The following RBFOX1 variants were observed in gnomAD, a reference collection of about 807,000 sequenced individuals.
The protein encoded by RBFOX1 is RNA binding fox-1 homolog 1.
Under a neutral mutation model 57.7 loss-of-function variants are expected in RBFOX1, and 8 were observed. The ratio of observed to expected loss-of-function variants is 0.14; its 90% confidence interval spans 0.08 to 0.25. The LOEUF (loss-of-function observed/expected upper bound fraction) is 0.25, where lower values mean the gene tolerates loss of function less well. Ranked by LOEUF, RBFOX1 falls within the 10% of genes least tolerant of loss-of-function variation. RBFOX1 has a pLI of 1.00. For synonymous variants in RBFOX1, 326 were observed against 222.4 expected, an observed-to-expected ratio of 1.47 and a Z score of -4.15; for missense variants, 611 against 548.5, an observed-to-expected ratio of 1.11 and a Z score of -1.14.
intron 4 of RBFOX1, among the ~76,000 whole-genome samples, chr16:7,181,193 C>G (rs1053402253): frequency 3.3e-5 from 5 of 152,054 alleles, no homozygotes; most frequent in Non-Finnish European, 5.9e-5. Context: ...TTGAACCTTG[C>G]GTAGTCACAA....
chr16:6,061,535 A>C (rs983581861), intron 1 of RBFOX1, among the ~76,000 whole-genome samples: 4 of 151,640 alleles, frequency 2.6e-5, no homozygotes, highest in Non-Finnish European at 5.9e-5. Context: ...GAAAATATAT[A>C]ATGTAATTAT....
chr16:5,933,207 A>C (rs1431388842), intron 4 of RBFOX1, among the ~76,000 whole-genome samples: 1 of 152,216 alleles, frequency 6.6e-6, no homozygotes, highest in African/African-American at 2.4e-5. Flanking sequence ...TCTTCTCCGC[A>C]TGGCGCCAGG....
At chr16:6,793,424 A>G (rs2083346459) in intron 3 of RBFOX1, among the ~76,000 whole-genome samples, 1 of 152,158 alleles carries the variant, frequency 6.6e-6, no homozygotes, top group Admixed American at 6.5e-5. Context: ...ACCTGTTCGT[A>G]ATACAGAATT....
chr16:6,463,318 A>G (rs980051001), intron 2 of RBFOX1, among the ~76,000 whole-genome samples: 2 of 152,316 alleles, frequency 1.3e-5, no homozygotes, highest in African/African-American at 2.4e-5. Flanking sequence ...CACACAGATC[A>G]CAATTTCTGA....
chr16:6,952,633 G>A (rs1289416994), intron 3 of RBFOX1, among the ~76,000 whole-genome samples: 1 of 151,708 alleles, frequency 6.6e-6, no homozygotes, highest in Non-Finnish European at 1.5e-5. Context: ...GCAAGACTCT[G>A]TCTCCCTCCT....
chr16:7,157,814 T>C (rs1315594057), intron 4 of RBFOX1, among the ~76,000 whole-genome samples: 1 of 152,188 alleles, frequency 6.6e-6, no homozygotes, highest in African/African-American at 2.4e-5. Flanking sequence ...CCTTTGGTTT[T>C]AAAGAAAATG....
intron 4 of RBFOX1, among the ~76,000 whole-genome samples, chr16:5,958,660 C>G (rs892725541): frequency 2.0e-5 from 3 of 152,196 alleles, no homozygotes; most frequent in Non-Finnish European, 2.9e-5. Flanking sequence ...CAGACTTATT[C>G]TCTTACAGAT....
chr16:7,428,705 T>C (rs1185023600), intron 4 of RBFOX1, among the ~76,000 whole-genome samples: 6 of 151,762 alleles, frequency 4.0e-5, no homozygotes, highest in South Asian at 2.1e-4. Context: ...AGACCAAACA[T>C]TGGAGTCAGA....
intron 4 of RBFOX1, among the ~76,000 whole-genome samples, chr16:5,874,157 T>C (rs984801934): frequency 6.6e-6 from 1 of 152,164 alleles, no homozygotes; most frequent in Non-Finnish European, 1.5e-5. Context: ...ATCATTAGTG[T>C]CCTTAACAGC....
chr16:7,160,821 C>G (rs892556760), intron 4 of RBFOX1, among the ~76,000 whole-genome samples: 2 of 143,362 alleles, frequency 1.4e-5, no homozygotes, highest in Non-Finnish European at 3.0e-5. Context: ...CTCCCTCCTC[C>G]CTCCTCCCTC....
At chr16:6,551,859 C>T (rs906805076) in intron 2 of RBFOX1, among the ~76,000 whole-genome samples, 7 of 152,170 alleles carry the variant, frequency 4.6e-5, no homozygotes, top group Admixed American at 1.3e-4. Flanking sequence ...TCTCTCAGTG[C>T]GTTGGTCATT....
intron 13 of RBFOX1, 130 bp downstream of exon 13, chr16:7,665,098 G>C: frequency 6.4e-7 from 1 of 1,574,468 alleles, no homozygotes; most frequent in South Asian, 1.1e-5. Flanking sequence ...TAATTCCGTG[G>C]TTTGTCTTGC....
intron 3 of RBFOX1, among the ~76,000 whole-genome samples, chr16:6,950,738 T>A (rs2080550155): frequency 6.6e-6 from 1 of 152,096 alleles, no homozygotes; most frequent in Non-Finnish European, 1.5e-5. Context: ...GGGAGGAGAT[T>A]TGCGGCCATG....
chr16:7,458,423 A>G (rs2058946816), intron 4 of RBFOX1, among the ~76,000 whole-genome samples: 1 of 152,216 alleles, frequency 6.6e-6, no homozygotes, highest in Non-Finnish European at 1.5e-5. Context: ...GTTCTGAGAA[A>G]GAAAATAGCT....
chr16:5,350,266 G>A (rs1021665829), intron 1 of RBFOX1, among the ~76,000 whole-genome samples: 4 of 152,306 alleles, frequency 2.6e-5, no homozygotes, highest in African/African-American at 9.6e-5. Context: ...TTGACAAGAA[G>A]CTCATGATTT....
intron 3 of RBFOX1, among the ~76,000 whole-genome samples, chr16:5,837,044 G>A (rs1252893720): frequency 1.3e-5 from 2 of 152,100 alleles, no homozygotes; most frequent in Admixed American, 6.5e-5. Context: ...AGAAGTACCC[G>A]TATTCCCTGA....
At chr16:5,314,916 C>A (rs2064193221) in intron 1 of RBFOX1, among the ~76,000 whole-genome samples, 4 of 150,464 alleles carry the variant, frequency 2.7e-5, no homozygotes, top group Admixed American at 2.6e-4. Flanking sequence ...ACAAAAAATA[C>A]CGTTTTGAAT....
intron 3 of RBFOX1, among the ~76,000 whole-genome samples, chr16:6,990,571 G>T (rs140559681): frequency 3.3e-5 from 5 of 152,178 alleles, no homozygotes; most frequent in African/African-American, 1.2e-4. Flanking sequence ...GGATGATACT[G>T]TGTCCCATAA....
At chr16:6,880,795 C>T (rs2062780042) in intron 3 of RBFOX1, among the ~76,000 whole-genome samples, 1 of 149,042 alleles carries the variant, frequency 6.7e-6, no homozygotes, top group African/African-American at 2.6e-5. Flanking sequence ...TACAGTATTT[C>T]TTATATTATT....
Sources: gnomAD v4.1 joint callset for allele counts (sites outside exome capture counted in the v4.1 genomes callset) on GRCh38, gnomAD v4.1.1 for gene constraint, MANE v1.5 for transcripts, NCBI Gene and HGNC (gene_info 2026-07-23, HGNC 2026-07-21) for gene names.